Variants in GALNT2 observed in about 807,000 individuals in gnomAD.
GALNT2 encodes the protein UDP-GalNAc:polypeptide N-acetylgalactosaminyltransferase 2.
Under a neutral mutation model 81.4 loss-of-function variants are expected in GALNT2, and 31 were observed. The ratio of observed to expected loss-of-function variants is 0.38; its 90% CI spans 0.29 to 0.51. The LOEUF (loss-of-function observed/expected upper bound fraction) is 0.51. GALNT2 is among the 20% of genes least tolerant of loss of function. The pLI is 0.87. For synonymous variants in GALNT2, 303 were observed against 287.4 expected (o/e 1.05, Z -0.55); for missense variants, 629 against 765.7 (o/e 0.82, Z 2.11).
At chr1:230,089,124 C>CTGACCATTT (rs1659983641) in intron 1 of GALNT2, among the ~76,000 whole-genome samples, 1 of 151,692 alleles carries the variant, frequency 6.6e-6, no homozygotes. Context: ...TATAACAAAA[C>CTGACCATTT]TGACCATTTT....
intron 1 of GALNT2, among the ~76,000 whole-genome samples, chr1:230,168,867 AT>A (rs1662699469): frequency 6.6e-6 from 1 of 152,092 alleles, no homozygotes; most frequent in East Asian, 1.9e-4. Context: ...CTTTATTCAG[AT>A]TTTTTACAAC....
intron 1 of GALNT2, among the ~76,000 whole-genome samples, chr1:230,142,445 C>T (rs1572012942): frequency 6.6e-6 from 1 of 152,162 alleles, no homozygotes; most frequent in African/African-American, 2.4e-5. Flanking sequence ...TTATATCCAG[C>T]CCCGCCAGCT....
At position 230,103,082 on chromosome 1, in the gene GALNT2, A is replaced by T. The variant is rs182004651; in HGVS notation, c.126+35676A>T. The stretch of plus-strand genomic sequence containing the variant: ...GTAAGAGACTCCTATAACTCTATCA[A>T]ATTTGCATTTGGAGGAATTGTAAAG... On this transcript the variant is annotated intron_variant, in intron 1 of 15. Coordinates refer to ENST00000366672, the MANE Select transcript of GALNT2 (RefSeq NM_004481.5). Among the ~76,000 whole-genome samples the T allele has an allele frequency of 2.6e-5, 4 of 152,298 alleles. No individual in the cohort carries two copies. The East Asian group carries it at 7.7e-4, about 29-fold the overall frequency.
chr1:230,073,976 A>G lies in GALNT2; in HGVS notation c.126+6570A>G, dbSNP rs1417880173. 1.4e-4 allele frequency among the ~76,000 whole-genome samples: 21 copies of G among 152,118 alleles called. 1 individual carries two copies. Among genetic ancestry groups the G allele is most frequent in the Admixed American group, 1.4e-3 (21 of 15,264 alleles). On this transcript the variant is annotated intron_variant, in intron 1 of 15. Coordinates refer to ENST00000366672, the MANE Select transcript of GALNT2 (RefSeq NM_004481.5). Reference sequence around the variant, plus strand: ...GAATGGCCAGGAGGGTTGGGGGTAGAGTTACTGAATTTCCAGAGTTCAGGT... The same window carrying G: ...GAATGGCCAGGAGGGTTGGGGGTAGGGTTACTGAATTTCCAGAGTTCAGGT...
chr1:230,212,815 A>G (rs553119835), intron 3 of GALNT2, among the ~76,000 whole-genome samples: 1 of 151,898 alleles, frequency 6.6e-6, no homozygotes, highest in East Asian at 1.9e-4. Flanking sequence ...TCAACCACAG[A>G]CCGTTCTTTT....
chr1:230,259,385 A>C (rs531383123), intron 11 of GALNT2: 2 of 152,344 alleles, frequency 1.3e-5, no homozygotes, highest in South Asian at 4.1e-4. Flanking sequence ...CATGAAACAA[A>C]GTTTGTGTAC....
chr1:230,243,556 C>CA lies in GALNT2; in HGVS notation c.729+129_729+130insA. 8.4e-7 allele frequency: 1 copy of CA among 1,188,946 alleles called. No individual in the cohort carries two copies. The highest frequency in any genetic ancestry group is 1.1e-6 in the Non-Finnish European group (1 of 887,566). The allele number at this position is 1,188,946 out of a possible 1,614,324, so 73.6% of individuals were successfully genotyped here. Reference sequence around the variant, plus strand: ...CAGGGCTGGTAGGGGCTGAGCTCGCCGTCTGCAGTTTTCCTTGATAGAAGG... The same window carrying CA: ...CAGGGCTGGTAGGGGCTGAGCTCGCCAGTCTGCAGTTTTCCTTGATAGAAGG... On this transcript the variant is annotated intron_variant, in intron 7 of 15. Transcript: ENST00000366672. This position sits in a 1 kb window ranked among gnomAD's most constrained non-coding sequence, Gnocchi z 4.2.
intron 1 of GALNT2, among the ~76,000 whole-genome samples, chr1:230,087,666 GGACA>G (rs1659939960): frequency 6.6e-6 from 1 of 152,180 alleles, no homozygotes; most frequent in African/African-American, 2.4e-5. Flanking sequence ...TCAGGTCTGG[GGACA>G]GCTGGTTAGG....
intron 3 of GALNT2, among the ~76,000 whole-genome samples, chr1:230,231,957 A>T (rs1664878809): frequency 6.6e-6 from 1 of 152,152 alleles, no homozygotes; most frequent in Non-Finnish European, 1.5e-5. Context: ...AATAAACTGC[A>T]GTTTCTACTC....
At chr1:230,278,957 A>G (rs1244871128) in intron 15 of GALNT2, among the ~76,000 whole-genome samples, 1 of 152,152 alleles carries the variant, frequency 6.6e-6, no homozygotes, top group Non-Finnish European at 1.5e-5. Context: ...CTTTCATACG[A>G]AGGCATGCAA....
chr1:230,124,973 A>C (rs1338657245), intron 1 of GALNT2, among the ~76,000 whole-genome samples: 1 of 152,196 alleles, frequency 6.6e-6, no homozygotes, highest in African/African-American at 2.4e-5. Context: ...GGCTGTTTTC[A>C]AGAGTGTTGT....
chr1:230,092,176 G>GTTTTTTTTTTTTTTTT (rs1553311874), intron 1 of GALNT2: 1 of 42,248 alleles, frequency 2.4e-5, no homozygotes, highest in Non-Finnish European at 4.5e-5. Flanking sequence ...TATTCCTTTA[G>GTTTTTTTTTTTTTTTT]TTTTTTTTTT....
rs902613142 is a variant in GALNT2, at chr1:230,193,454, C to T, written c.221-9683C>T. Among the ~76,000 whole-genome samples the T allele has an allele frequency of 2.6e-5, 4 of 152,112 alleles. No individual in the cohort carries two copies. Among genetic ancestry groups the T allele is most frequent in the South Asian group, 2.1e-4 (1 of 4,830 alleles). ...GACCGCATTTGTGCATGTGCCTGTG[C>T]GTGAGCCTCTGTGTGCTGGGGTTTG... On this transcript the variant is annotated intron_variant, in intron 2 of 15. Transcript: ENST00000366672. This position sits in a 1 kb window ranked among gnomAD's most constrained non-coding sequence, Gnocchi z 4.3.
chr1:230,209,247 G>A (rs1664158929), intron 3 of GALNT2, among the ~76,000 whole-genome samples: 1 of 152,038 alleles, frequency 6.6e-6, no homozygotes, highest in Admixed American at 6.5e-5. Context: ...GGACTGAATT[G>A]TGCCCCCTCA....
intron 2 of GALNT2, among the ~76,000 whole-genome samples, chr1:230,200,798 G>A (rs1381203463): frequency 5.3e-5 from 8 of 152,144 alleles, no homozygotes; most frequent in East Asian, 3.9e-4. Flanking sequence ...AACCTCTCTC[G>A]GGTGGTGGTC....
intron 2 of GALNT2, among the ~76,000 whole-genome samples, chr1:230,199,931 C>T (rs1572078696): frequency 6.6e-6 from 1 of 152,252 alleles, no homozygotes; most frequent in South Asian, 2.1e-4. Flanking sequence ...ATTCTTTCTG[C>T]AGGGAAGCCG....
Position 230,277,702 on chromosome 1 carries a change from C to T in GALNT2, c.1561-1601C>T, listed in dbSNP as rs75326427. Among the ~76,000 whole-genome samples the T allele has an allele frequency of 4.6e-4, 70 of 152,238 alleles. No individual in the cohort carries two copies. In the East Asian group the frequency reaches 0.011, roughly 25 times the overall value. On this transcript the variant is annotated intron_variant, in intron 15 of 15. Coordinates refer to ENST00000366672, the MANE Select transcript of GALNT2 (RefSeq NM_004481.5). ...GTGACAACATCCTTGTGGTGTTTCG[C>T]GCAGGTCGGGTCCCCAGCACTGGGC...
intron 1 of GALNT2, among the ~76,000 whole-genome samples, chr1:230,133,240 T>C (rs1000698481): frequency 3.9e-5 from 6 of 152,208 alleles, no homozygotes. Context: ...TTGGAATAGA[T>C]TTCTAAAAGT....
At chr1:230,241,390 A>C (rs186119144) in intron 6 of GALNT2, among the ~76,000 whole-genome samples, 24 of 151,052 alleles carry the variant, frequency 1.6e-4, no homozygotes, top group Admixed American at 1.1e-3. Context: ...ATGATGCTGA[A>C]CTTCTGTAGG....
Sources: gnomAD v4.1 joint callset for allele counts (sites outside exome capture counted in the v4.1 genomes callset) on GRCh38, gnomAD v4.1.1 for gene constraint, Gnocchi (gnomAD v3.1) non-coding constraint, MANE v1.5 for transcripts, NCBI Gene and HGNC (gene_info 2026-07-23, HGNC 2026-07-21) for gene names.